The following SLC41A3 variants were observed in gnomAD, a reference collection of about 807,000 sequenced individuals.
SLC41A3 encodes the protein SLC41A1-like 2.
SLC41A3 carries 44 observed loss-of-function variants against 45.4 expected under a neutral mutation model. The ratio of observed to expected loss-of-function variants is 0.97; its 90% CI spans 0.76 to 1.25. The LOEUF is 1.25. Among genes scored for constraint, SLC41A3 ranks in the 50% most tolerant of loss-of-function variants. The probability of loss-of-function intolerance (pLI) is 0.00; values close to 1 mark genes in which losing one functional copy is unlikely to be tolerated. For synonymous variants in SLC41A3, 256 were observed against 252.4 expected (o/e 1.01, Z -0.13); for missense variants, 550 against 600.6 (o/e 0.92, Z 0.88).
upstream of SLC41A3, chr3:126,085,258 G>A (rs180929323): frequency 5.0e-4 from 76 of 152,278 alleles, no homozygotes; most frequent in African/African-American, 1.6e-3. Flanking sequence ...GCTGCACCCC[G>A]ACCTCCTTGG....
chr3:126,093,793 TAAAG>T (rs1945540642), intron 1 of SLC41A3, among the ~76,000 whole-genome samples: 1 of 152,086 alleles, frequency 6.6e-6, no homozygotes, highest in Non-Finnish European at 1.5e-5. Flanking sequence ...GAAACACAAA[TAAAG>T]AAGGCAAAGC....
chr3:126,065,257 C>T (rs1559875986), intron 2 of SLC41A3, among the ~76,000 whole-genome samples: 1 of 152,230 alleles, frequency 6.6e-6, no homozygotes, highest in Non-Finnish European at 1.5e-5. Flanking sequence ...ACCATGCCTG[C>T]CCTCTGCCTT....
At chr3:126,097,088 G>A (rs6804847) in intron 1 of SLC41A3, among the ~76,000 whole-genome samples, 92,675 of 152,094 alleles carry the variant, frequency 0.61, 28,676 homozygotes, top group African/African-American at 0.71. Flanking sequence ...GGTCATGTTT[G>A]ACCATGATCC....
chr3:126,097,520 A>G (rs1945627530), intron 1 of SLC41A3, among the ~76,000 whole-genome samples: 1 of 152,194 alleles, frequency 6.6e-6, no homozygotes, highest in Admixed American at 6.5e-5. Context: ...TCTGTAACAC[A>G]TTCAATTGGT....
chr3:126,048,415 G>A (rs1437403714), intron 3 of SLC41A3, among the ~76,000 whole-genome samples: 1 of 152,066 alleles, frequency 6.6e-6, no homozygotes, highest in African/African-American at 2.4e-5. Context: ...ATAGAGACAT[G>A]TTTATGTATG....
chr3:126,010,630 G>T (rs961465110), intron 9 of SLC41A3, among the ~76,000 whole-genome samples: 11 of 152,358 alleles, frequency 7.2e-5, no homozygotes, highest in African/African-American at 2.2e-4. Flanking sequence ...CATCAGGAAA[G>T]GCCTGGTGGG....
At chr3:126,039,564 TG>T (rs994617936) in intron 3 of SLC41A3, among the ~76,000 whole-genome samples, 4 of 152,216 alleles carry the variant, frequency 2.6e-5, no homozygotes, top group African/African-American at 7.2e-5. Flanking sequence ...ACTGCTGAGG[TG>T]GCGTCTGCCA....
chr3:126,068,289 C>G lies in SLC41A3; in HGVS notation c.-27-43G>C, dbSNP rs1263304478. 3 of 1,457,762 alleles carry G rather than the reference C, an allele frequency of 2.1e-6. No individual in the cohort carries two copies. The East Asian group carries it at 7.0e-5, about 34-fold the overall frequency. The allele number at this position is 1,457,762 out of a possible 1,614,324, so 90.3% of individuals were successfully genotyped here. A position where few individuals can be genotyped will look rare whatever the true frequency, so the allele number is the denominator to read the frequency against. Reference sequence around the variant, plus strand: ...AAGTTGTAGGGCCAAGTTCCTGATTCCCATGGCGCTAACACCCAAGGAGCC... The same window carrying G: ...AAGTTGTAGGGCCAAGTTCCTGATTGCCATGGCGCTAACACCCAAGGAGCC... On this transcript the variant is annotated intron_variant, in intron 1 of 10. Transcript: ENST00000360370.
intron 1 of SLC41A3, among the ~76,000 whole-genome samples, chr3:126,075,854 A>G (rs995658081): frequency 5.3e-5 from 8 of 152,238 alleles, no homozygotes; most frequent in Non-Finnish European, 8.8e-5. Flanking sequence ...AGAGTTAAAC[A>G]TAAGAGCTAA....
chr3:126,026,163 C>T lies in SLC41A3; in HGVS notation c.598+172G>A. ...GCCTGGGTGAGGGCACAAGGTGGGCCATGAAGACCCAGCTGGCTCGTCCCA... is the reference window on the plus strand; with the variant it reads ...GCCTGGGTGAGGGCACAAGGTGGGCTATGAAGACCCAGCTGGCTCGTCCCA... On this transcript the variant is annotated intron_variant, in intron 5 of 10. Coordinates refer to ENST00000360370, the MANE Select transcript of SLC41A3 (RefSeq NM_017836.4). The surrounding 1 kb of genome is among the most constrained non-coding windows in gnomAD (Gnocchi z 4.2). 5.1e-6 allele frequency: 5 copies of T among 974,822 alleles called. No individual in the cohort carries two copies. The highest frequency in any genetic ancestry group is 7.5e-6 in the Non-Finnish European group (5 of 667,686). 60.4% of individuals were successfully genotyped at this position (974,822 alleles called of 1,614,324 possible).
rs966252882 is a variant in SLC41A3, at chr3:126,006,729, G to T, written c.*287C>A. On this transcript the variant is annotated 3_prime_UTR_variant, in exon 11 of 11. Coordinates refer to ENST00000360370, the MANE Select transcript of SLC41A3 (RefSeq NM_017836.4). ...GCCTCTTCTTTACCTTCTCAGGCCA[G>T]AACACCCTCCTCTCCACAAACGTGT... The T allele has an allele frequency of 1.0e-5, 15 of 1,447,964 alleles. No homozygotes were observed. The highest frequency in any genetic ancestry group is 1.4e-5 in the Non-Finnish European group (15 of 1,104,664). The allele number at this position is 1,447,964 out of a possible 1,614,324, so 89.7% of individuals were successfully genotyped here.
intron 2 of SLC41A3, among the ~76,000 whole-genome samples, chr3:126,055,429 A>T (rs1943590976): frequency 6.6e-6 from 1 of 152,108 alleles, no homozygotes; most frequent in Non-Finnish European, 1.5e-5. Flanking sequence ...CAGGAGAATC[A>T]TTTGAACCCA....
At chr3:126,067,495 C>T (rs1004660539) in intron 2 of SLC41A3, 14 of 376,818 alleles carry the variant, frequency 3.7e-5, no homozygotes, top group East Asian at 2.5e-4. Flanking sequence ...CCTGAAGACA[C>T]GGAGAAAAGG....
At chr3:126,095,121 A>C (rs1232358633) in intron 1 of SLC41A3, 1 of 602,448 alleles carries the variant, frequency 1.7e-6, no homozygotes, top group Non-Finnish European at 3.0e-6. Flanking sequence ...GGTGAGATCC[A>C]ATAACAAAAA....
At chr3:126,086,322 C>A (rs955407766), upstream of SLC41A3, among the ~76,000 whole-genome samples, 10 of 151,832 alleles carry the variant, frequency 6.6e-5, no homozygotes, top group African/African-American at 2.4e-4. Flanking sequence ...ATATTTTCTG[C>A]CTGCTTTAAA....
chr3:126,070,764 G>A (rs1944581367), intron 1 of SLC41A3, among the ~76,000 whole-genome samples: 1 of 152,042 alleles, frequency 6.6e-6, no homozygotes, highest in Non-Finnish European at 1.5e-5. Context: ...GGCCGAATTA[G>A]GATCCTAGAC....
At chr3:126,073,409 T>C (rs1031870861) in intron 1 of SLC41A3, 1 of 152,198 alleles carries the variant, frequency 6.6e-6, no homozygotes, top group Non-Finnish European at 1.5e-5. Context: ...CACTCCAGCC[T>C]GGGTGGCAGA....
chr3:126,094,833 T>G (rs370929415), intron 1 of SLC41A3, among the ~76,000 whole-genome samples: 13 of 152,342 alleles, frequency 8.5e-5, no homozygotes, highest in African/African-American at 2.2e-4. Context: ...TATTGACTGT[T>G]TTTGATATGC....
At chr3:126,067,829 AT>A (rs963159801) in intron 2 of SLC41A3, 117 bp downstream of exon 2, 5 of 1,316,970 alleles carry the variant, frequency 3.8e-6, no homozygotes, top group Non-Finnish European at 5.1e-6. Flanking sequence ...GAAAAAAAAA[AT>A]GGCTTTTCAA....
Sources: gnomAD v4.1 joint callset for allele counts (sites outside exome capture counted in the v4.1 genomes callset) on GRCh38, gnomAD v4.1.1 for gene constraint, Gnocchi (gnomAD v3.1) non-coding constraint, MANE v1.5 for transcripts, NCBI Gene and HGNC (gene_info 2026-07-23, HGNC 2026-07-21) for gene names.